Variants in SIPA1L1 observed in about 807,000 individuals in gnomAD.
SIPA1L1 encodes the protein signal-induced proliferation-associated 1-like protein 1.
SIPA1L1 carries 26 observed loss-of-function variants against 162.7 expected under a neutral mutation model. The observed-to-expected ratio is 0.16, with a 90% CI of 0.12 to 0.22. SIPA1L1 has a LOEUF of 0.22. Ranked by LOEUF, SIPA1L1 falls within the 10% of genes least tolerant of loss-of-function variation. The pLI is 1.00. For missense variants in SIPA1L1, 1,874 were observed against 2,241.0 expected (o/e 0.84, Z 3.31); for synonymous variants, 829 against 837.4 (o/e 0.99, Z 0.17).
At chr14:71,667,537 C>T (rs1043454982) in intron 10 of SIPA1L1, among the ~76,000 whole-genome samples, 4 of 152,186 alleles carry the variant, frequency 2.6e-5, no homozygotes, top group Admixed American at 2.6e-4. Context: ...ATGATTGGCA[C>T]GTGTTTGATC....
chr14:71,625,583 GA>G, intron 7 of SIPA1L1, among the ~76,000 whole-genome samples: 1 of 152,200 alleles, frequency 6.6e-6, no homozygotes, highest in East Asian at 1.9e-4. Context: ...TTCATAATGT[GA>G]AAATTTGTTG....
At chr14:71,518,605 T>C (rs974733006) in intron 3 of SIPA1L1, among the ~76,000 whole-genome samples, 1 of 152,168 alleles carries the variant, frequency 6.6e-6, no homozygotes, top group Non-Finnish European at 1.5e-5. Flanking sequence ...TCTTTACTTT[T>C]TGTTACTAGT....
chr14:71,661,737 A>G (rs1320332261), intron 10 of SIPA1L1, among the ~76,000 whole-genome samples: 1 of 152,206 alleles, frequency 6.6e-6, no homozygotes, highest in African/African-American at 2.4e-5. Context: ...GTCACCAACC[A>G]ACTAATTACT....
chr14:71,555,777 G>A (rs1269636587), intron 4 of SIPA1L1, among the ~76,000 whole-genome samples: 1 of 152,100 alleles, frequency 6.6e-6, no homozygotes, highest in Non-Finnish European at 1.5e-5. Context: ...TGGTCTCAGA[G>A]ACTAGAGAGC....
At chr14:71,697,648 T>C (rs529593604) in intron 13 of SIPA1L1, among the ~76,000 whole-genome samples, 4 of 152,250 alleles carry the variant, frequency 2.6e-5, no homozygotes, top group African/African-American at 9.6e-5. Context: ...GAGACAAACC[T>C]GGGCTCTCAA....
At chr14:71,685,246 G>A (rs559437052) in intron 12 of SIPA1L1, 116 bp from the exon 13 acceptor site, 3 of 1,169,864 alleles carry the variant, frequency 2.6e-6, no homozygotes, top group Admixed American at 4.1e-5. Flanking sequence ...AAGGTGGTTT[G>A]AAACAGAGGG....
chr14:71,626,007 C>T (rs1245087882), intron 7 of SIPA1L1, among the ~76,000 whole-genome samples: 1 of 152,094 alleles, frequency 6.6e-6, no homozygotes, highest in Non-Finnish European at 1.5e-5. Flanking sequence ...ATAGTCCTAT[C>T]CACATGGGAA....
intron 7 of SIPA1L1, among the ~76,000 whole-genome samples, chr14:71,626,397 A>G (rs1367685123): frequency 6.6e-6 from 1 of 152,120 alleles, no homozygotes; most frequent in Non-Finnish European, 1.5e-5. Flanking sequence ...TCTTTTTTTT[A>G]TCTCCATACA....
chr14:71,362,069 G>A (rs1428444609), intron 2 of SIPA1L1, among the ~76,000 whole-genome samples: 1 of 152,194 alleles, frequency 6.6e-6, no homozygotes, highest in African/African-American at 2.4e-5. Flanking sequence ...CTCTGTTGGC[G>A]GCCCGTCATG....
intron 2 of SIPA1L1, among the ~76,000 whole-genome samples, chr14:71,473,078 CATGAAACTTTA>C (rs2047590674): frequency 6.6e-6 from 1 of 151,946 alleles, no homozygotes; most frequent in Non-Finnish European, 1.5e-5. Flanking sequence ...TAATGGATAA[CATGAAACTTTA>C]AAGAGAGGCT....
chr14:71,469,298 G>A (rs906903610), intron 2 of SIPA1L1, among the ~76,000 whole-genome samples: 8 of 152,172 alleles, frequency 5.3e-5, no homozygotes, highest in Non-Finnish European at 1.0e-4. Flanking sequence ...GATGAGGTGA[G>A]GGGTTGCTAG....
At chr14:71,630,711 C>G (rs903156308) in intron 7 of SIPA1L1, among the ~76,000 whole-genome samples, 1 of 152,054 alleles carries the variant, frequency 6.6e-6, no homozygotes, top group Non-Finnish European at 1.5e-5. Flanking sequence ...TCTACCTGTT[C>G]CTATGACCCT....
At chr14:71,704,892 A>C (rs996815993) in intron 15 of SIPA1L1, 15 of 738,966 alleles carry the variant, frequency 2.0e-5, no homozygotes, top group Admixed American at 1.2e-4. Flanking sequence ...AATGAATTTC[A>C]TAAATTTAAT....
At position 71,422,693 on chromosome 14, in the gene SIPA1L1, A is replaced by T. The variant is rs562683195; in HGVS notation, c.-464-90050A>T. On this transcript the variant is annotated intron_variant, in intron 2 of 23. Transcript: ENST00000381232. Reference sequence around the variant, plus strand: ...ATAAAGCGGAATAATATTCTGTTGTATGTGTATACCACATTTTGCTTATCC... The same window carrying T: ...ATAAAGCGGAATAATATTCTGTTGTTTGTGTATACCACATTTTGCTTATCC... Among the ~76,000 whole-genome samples, 3 of 152,236 alleles carry T rather than the reference A, an allele frequency of 2.0e-5. No individual in the cohort carries two copies. In the East Asian group the frequency reaches 5.8e-4, roughly 29 times the overall value.
intron 4 of SIPA1L1, among the ~76,000 whole-genome samples, chr14:71,548,986 C>T (rs1390562541): frequency 1.3e-5 from 2 of 151,184 alleles, no homozygotes; most frequent in African/African-American, 4.9e-5. Context: ...CTTATCAATT[C>T]AGAGGTTACT....
chr14:71,530,482 T>C (rs945597494), intron 4 of SIPA1L1, among the ~76,000 whole-genome samples: 1 of 152,214 alleles, frequency 6.6e-6, no homozygotes, highest in Non-Finnish European at 1.5e-5. Context: ...CTTTGTGTTT[T>C]CTTAGAACAG....
chr14:71,659,540 T>A (rs946192269), intron 9 of SIPA1L1, among the ~76,000 whole-genome samples: 1 of 152,110 alleles, frequency 6.6e-6, no homozygotes, highest in Non-Finnish European at 1.5e-5. Flanking sequence ...AGATTTTAGC[T>A]CTCTTTGAAA....
intron 17 of SIPA1L1, among the ~76,000 whole-genome samples, chr14:71,714,179 C>G (rs753370376): frequency 1.3e-5 from 2 of 152,252 alleles, no homozygotes; most frequent in African/African-American, 4.8e-5. Context: ...TTGGCCTAAG[C>G]GATCTTGCCA....
chr14:71,563,311 T>C (rs962548246), intron 4 of SIPA1L1, among the ~76,000 whole-genome samples: 7 of 148,130 alleles, frequency 4.7e-5, no homozygotes, highest in South Asian at 2.1e-4. Flanking sequence ...ACCTCCTCGT[T>C]TTTTTTTTTT....
Sources: allele counts gnomAD v4.1 joint callset (sites outside exome capture counted in the v4.1 genomes callset), GRCh38; gene constraint gnomAD v4.1.1; transcripts MANE v1.5; gene names NCBI Gene and HGNC (gene_info 2026-07-23, HGNC 2026-07-21).